The following MYOCD variants were observed in gnomAD, a reference collection of about 807,000 sequenced individuals.
MYOCD encodes the protein myocardin.
In MYOCD, 32 loss-of-function variants were observed where a neutral mutation model predicts 96.1. That is an observed-to-expected ratio of 0.33 (90% CI 0.25 to 0.45). MYOCD has a LOEUF of 0.45. Among genes scored for constraint, MYOCD ranks in the 20% least tolerant of loss-of-function variants. The pLI, the probability that MYOCD is intolerant of heterozygous loss-of-function variation, is 1.00. For synonymous variants in MYOCD, 469 were observed against 469.0 expected (o/e 1.00, Z 0.00); for missense variants, 1,133 against 1,200.6 (o/e 0.94, Z 0.83).
chr17:12,720,819 G>T (rs1322687009), intron 4 of MYOCD, among the ~76,000 whole-genome samples: 4 of 151,836 alleles, frequency 2.6e-5, no homozygotes, highest in African/African-American at 9.7e-5. Context: ...TCAGGAGATC[G>T]AGACCATCCT....
chr17:12,726,591 C>T (rs1327538757), intron 5 of MYOCD, among the ~76,000 whole-genome samples: 1 of 152,180 alleles, frequency 6.6e-6, no homozygotes, highest in Non-Finnish European at 1.5e-5. Context: ...CCATTTCCAG[C>T]ACTGCCTCTG....
intron 6 of MYOCD, among the ~76,000 whole-genome samples, chr17:12,736,814 C>T (rs1322570950): frequency 6.6e-6 from 1 of 152,194 alleles, no homozygotes; most frequent in African/African-American, 2.4e-5. Context: ...GTTGCTTCTG[C>T]TTTTAGCAGG....
rs951724135 is a variant in MYOCD, at chr17:12,766,255, T to C, written c.*2611T>C. 6 of 152,216 alleles carry C rather than the reference T, an allele frequency of 3.9e-5. No individual in the cohort carries two copies. Among genetic ancestry groups the C allele is most frequent in the African/African-American group, 1.4e-4 (6 of 41,450 alleles). The allele number at this position is 152,216 out of a possible 1,614,324, so 9.4% of individuals were successfully genotyped here. On this transcript the variant is annotated 3_prime_UTR_variant, in exon 14 of 14. Coordinates refer to ENST00000425538, the MANE Select transcript of MYOCD (RefSeq NM_001146312.3). ...GTTAATTATTTTTTCCTTGGGTATT[T>C]CTATCTGAGAGACTAGACCTAGTTA... is the stretch of plus-strand genomic sequence containing the variant.
rs1389222973 is a variant in MYOCD at position 12,744,414 on chromosome 17, G to A, written c.949G>A (p.Gly317Arg). The change falls in exon 8 of 14, where the codon GGG becomes AGG. Residue 317 changes from glycine (G) to arginine (R), a missense_variant. Gly to Arg is a moderately radical substitution (Grantham distance 125). Transcript: ENST00000425538. ...GCAGCAACACCGATTCAGCTACCTA[G>A]GGATGCACCAAGCTCAGCTTAAGTA... ...QQQQHRFSYL[G>R]MHQAQLKEPN... 3 of 1,612,588 alleles carry A rather than the reference G, an allele frequency of 1.9e-6. No individual in the cohort carries two copies. The African/African-American group carries it at 4.0e-5, about 22-fold the overall frequency.
chr17:12,707,954 T>C (rs561723189), intron 2 of MYOCD, among the ~76,000 whole-genome samples: 1 of 146,052 alleles, frequency 6.8e-6, no homozygotes, highest in East Asian at 1.9e-4. Flanking sequence ...GCACTATATA[T>C]ATGTGTGTGT....
chr17:12,681,358 GGCAGC>G (rs1910455117), intron 1 of MYOCD, among the ~76,000 whole-genome samples: 1 of 152,146 alleles, frequency 6.6e-6, no homozygotes, highest in Non-Finnish European at 1.5e-5. Context: ...TCACAAACCT[GGCAGC>G]TTTGTGAGTG....
chr17:12,686,664 A>G (rs1211771353), intron 1 of MYOCD, among the ~76,000 whole-genome samples: 2 of 152,242 alleles, frequency 1.3e-5, no homozygotes, highest in Admixed American at 1.3e-4. Context: ...GTCTGATGAA[A>G]TGATAGCTCT....
intron 2 of MYOCD, 127 bp downstream of exon 2, chr17:12,705,320 A>G (rs2031247215): frequency 4.9e-6 from 3 of 617,368 alleles, no homozygotes; most frequent in Non-Finnish European, 5.7e-6. Context: ...AAGCATTGGT[A>G]TCAGCAGAAA....
intron 1 of MYOCD, among the ~76,000 whole-genome samples, chr17:12,667,609 A>T (rs1909445513): frequency 6.6e-6 from 1 of 152,214 alleles, no homozygotes; most frequent in Non-Finnish European, 1.5e-5. Context: ...CATTCATTTC[A>T]AATGCTTCCT....
chr17:12,745,880 TTTGA>T (rs2032648040), intron 8 of MYOCD, 35 bp from the exon 9 acceptor site: 9 of 1,608,884 alleles, frequency 5.6e-6, no homozygotes, highest in Non-Finnish European at 7.6e-6. Context: ...CCCACCAATA[TTTGA>T]TTGTACTTGA....
intron 9 of MYOCD, among the ~76,000 whole-genome samples, chr17:12,747,460 C>T (rs1984661): frequency 0.55 from 83,557 of 151,776 alleles, 23,439 homozygotes; most frequent in East Asian, 0.7. Context: ...GCAGGACAAC[C>T]GAGAGAAAAG....
intron 1 of MYOCD, among the ~76,000 whole-genome samples, chr17:12,701,530 C>T (rs1597755653): frequency 1.3e-5 from 2 of 152,120 alleles, no homozygotes; most frequent in Non-Finnish European, 2.9e-5. Flanking sequence ...TGTCTGTTTT[C>T]TATTATAAAG....
At chr17:12,694,232 G>A (rs969913499) in intron 1 of MYOCD, among the ~76,000 whole-genome samples, 3 of 152,196 alleles carry the variant, frequency 2.0e-5, no homozygotes, top group African/African-American at 4.8e-5. Context: ...GAAGGGAAGG[G>A]AAGCTCTGCT....
chr17:12,715,410 C>G (rs2031609027), intron 2 of MYOCD, 109 bp from the exon 3 acceptor site: 2 of 793,416 alleles, frequency 2.5e-6, no homozygotes, highest in Non-Finnish European at 4.0e-6. Flanking sequence ...CTAATAAAGG[C>G]AATCACCTCC....
intron 9 of MYOCD, among the ~76,000 whole-genome samples, chr17:12,749,571 T>C (rs2032769342): frequency 6.7e-6 from 1 of 148,624 alleles, no homozygotes. Context: ...TATGTATATG[T>C]ATATATACAA....
chr17:12,719,867 CAA>C (rs57652662), intron 4 of MYOCD, among the ~76,000 whole-genome samples: 43 of 82,708 alleles, frequency 5.2e-4, no homozygotes, highest in African/African-American at 1.8e-3. Context: ...GACTCAGTCT[CAA>C]AAAAAAAAAA....
chr17:12,685,192 A>G (rs1302191585), intron 1 of MYOCD, among the ~76,000 whole-genome samples: 1 of 152,056 alleles, frequency 6.6e-6, no homozygotes, highest in African/African-American at 2.4e-5. Flanking sequence ...CCAGCTACTC[A>G]GGAGGCCAAG....
intron 7 of MYOCD, among the ~76,000 whole-genome samples, chr17:12,742,098 C>G (rs2045569997): frequency 6.6e-6 from 1 of 152,080 alleles, no homozygotes; most frequent in Admixed American, 6.5e-5. Context: ...AGGCAAGCCT[C>G]AGAATGAGGC....
intron 1 of MYOCD, among the ~76,000 whole-genome samples, chr17:12,701,031 A>G (rs754942226): frequency 6.6e-6 from 1 of 152,158 alleles, no homozygotes; most frequent in Non-Finnish European, 1.5e-5. Context: ...TGTCCACTTT[A>G]AGTTGTTTAA....
Sources: gnomAD v4.1 joint callset for allele counts (sites outside exome capture counted in the v4.1 genomes callset) on GRCh38, gnomAD v4.1.1 for gene constraint, MANE v1.5 for transcripts, NCBI Gene and HGNC (gene_info 2026-07-23, HGNC 2026-07-21) for gene names.